Variants in TARS2 observed in about 807,000 individuals in gnomAD.
The protein encoded by TARS2 is threonine--tRNA ligase, mitochondrial.
TARS2 carries 61 observed loss-of-function variants against 94.4 expected under a neutral mutation model. That is an observed-to-expected ratio of 0.65 (90% CI 0.53 to 0.80). The LOEUF is 0.80. TARS2 is among the 30% of genes least tolerant of loss of function. The pLI, the probability that TARS2 is intolerant of heterozygous loss-of-function variation, is 0.00. For synonymous variants in TARS2, 359 were observed against 353.4 expected (o/e 1.02, Z -0.18); for missense variants, 704 against 902.5 (o/e 0.78, Z 2.82).
chr1:150,499,128 T>C, intron 12 of TARS2, 88 bp from the exon 13 acceptor site: 1 of 1,609,940 alleles, frequency 6.2e-7, no homozygotes, highest in Non-Finnish European at 8.5e-7. Context: ...AGGCATCTGG[T>C]GAGTGGGTCA....
At chr1:150,490,862 T>C in intron 4 of TARS2, 137 bp downstream of exon 4, 1 of 1,280,120 alleles carries the variant, frequency 7.8e-7, no homozygotes, top group African/African-American at 1.5e-5. Context: ...GACATTAGTA[T>C]CTCCTTCTGT....
Position 150,504,450 on chromosome 1 carries a change from C to T in TARS2, c.1718+15C>T, listed in dbSNP as rs368349064. 24 of 1,613,002 alleles carry T rather than the reference C, an allele frequency of 1.5e-5. No homozygotes were observed. The African/African-American group carries it at 2.9e-4, about 20-fold the overall frequency. On this transcript the variant is annotated intron_variant, in intron 14 of 17. Coordinates refer to ENST00000369064, the MANE Select transcript of TARS2 (RefSeq NM_025150.5). ...CAGTATAAGGGGTATAAAACCTTGC[C>T]CTATCCTCTTTTCCCTTGACAGTGC...
At position 150,498,640 on chromosome 1, in the gene TARS2, T is replaced by A. The variant is rs773977065; in HGVS notation, c.1377T>A (p.Ala459=). 4 of 1,612,862 alleles carry A rather than the reference T, an allele frequency of 2.5e-6. No homozygotes were observed. The South Asian group carries it at 3.3e-5, about 13-fold the overall frequency. ...TGCGGTGCTTCCAGCAGGATGACGCTCACATCTTCTGTACAACAGATCAGG... is the reference window on the plus strand; with the variant it reads ...TGCGGTGCTTCCAGCAGGATGACGCACACATCTTCTGTACAACAGATCAGG... ...TRLRCFQQDD[A]HIFCTTDQLE... is the part of the protein sequence containing the mutation. The change falls in exon 11 of 18, where the codon GCT becomes GCA. Residue 459 remains alanine (A), a synonymous_variant. Coordinates refer to ENST00000369064, the MANE Select transcript of TARS2 (RefSeq NM_025150.5).
In TARS2 at chr1:150,489,026, G is replaced by A. The variant is rs760526545; in HGVS notation, c.326G>A (p.Arg109Gln). The A allele has an allele frequency of 6.8e-6, 11 of 1,614,048 alleles. No homozygotes were observed. Among genetic ancestry groups the A allele is most frequent in the South Asian group, 1.1e-5 (1 of 91,086 alleles). The change falls in exon 3 of 18, where the codon CGG becomes CAG. Residue 109 changes from arginine to glutamine, a missense_variant. Coordinates refer to ENST00000369064, the MANE Select transcript of TARS2 (RefSeq NM_025150.5). ...QVNGEPYDLE[R>Q]PLETDSDLRF... Reference sequence around the variant, plus strand: ...AATGGAGAACCTTATGATCTGGAGCGGCCCTTGGAGACAGATTCTGACCTC... The same window carrying A: ...AATGGAGAACCTTATGATCTGGAGCAGCCCTTGGAGACAGATTCTGACCTC...
At chr1:150,494,674 G>A (rs1669568664) in intron 7 of TARS2, among the ~76,000 whole-genome samples, 2 of 151,468 alleles carry the variant, frequency 1.3e-5, no homozygotes, top group African/African-American at 4.9e-5. Flanking sequence ...GGAGGCAGAG[G>A]TTGCAGTGAG....
chr1:150,498,896 G>A lies in TARS2; in HGVS notation c.1402-1G>A. 5.6e-6 allele frequency: 9 copies of A among 1,614,170 alleles called. No individual in the cohort carries two copies. The highest frequency in any genetic ancestry group is 7.6e-6 in the Non-Finnish European group (9 of 1,180,042). Reference sequence around the variant, plus strand: ...CACTGACCCTTATTTCCTGCCCCTAGCTGGAAGCAGAGATCCAAAGCTGTC... The same window carrying A: ...CACTGACCCTTATTTCCTGCCCCTAACTGGAAGCAGAGATCCAAAGCTGTC... On this transcript the variant is annotated splice_acceptor_variant, in intron 11 of 17. Transcript: ENST00000369064. LOFTEE classifies it high-confidence loss of function.
intron 13 of TARS2, among the ~76,000 whole-genome samples, chr1:150,504,111 T>G (rs1670088043): frequency 6.6e-6 from 1 of 151,918 alleles, no homozygotes; most frequent in South Asian, 2.1e-4. Flanking sequence ...TCAGGTAATA[T>G]TATAACACCA....
intron 3 of TARS2, among the ~76,000 whole-genome samples, chr1:150,489,874 G>A (rs587772153): frequency 1.7e-4 from 26 of 152,150 alleles, no homozygotes; most frequent in South Asian, 1.0e-3. Context: ...CCCTGGAGGC[G>A]GAGGTTGCAG....
intron 7 of TARS2, among the ~76,000 whole-genome samples, chr1:150,493,718 A>C (rs1003806853): frequency 6.6e-6 from 1 of 151,322 alleles, no homozygotes; most frequent in African/African-American, 2.4e-5. Flanking sequence ...GTGCCATTGC[A>C]CTCTAGCCTG....
chr1:150,496,688 C>T, intron 8 of TARS2, 60 bp downstream of exon 8: 2 of 1,597,948 alleles, frequency 1.3e-6, no homozygotes, highest in Non-Finnish European at 1.7e-6. Flanking sequence ...GATGACAGAA[C>T]CTGATTATGA....
At chr1:150,505,518 A>C in intron 16 of TARS2, 73 bp from the exon 17 acceptor site, 1 of 1,342,532 alleles carries the variant, frequency 7.4e-7, no homozygotes, top group South Asian at 1.2e-5. Context: ...CATTGAGGGA[A>C]AAGAGCATCA....
rs1171489412 is a variant in TARS2 at position 150,493,916 on chromosome 1, G to T, written c.774+1427G>T. On this transcript the variant is annotated intron_variant, in intron 7 of 17. Transcript: ENST00000369064. Reference sequence around the variant, plus strand: ...TCATGCCTATAATCCCAGCACTTTGGGAGGCCAAGGTGGGTGGATCACTTG... The same window carrying T: ...TCATGCCTATAATCCCAGCACTTTGTGAGGCCAAGGTGGGTGGATCACTTG... Among the ~76,000 whole-genome samples the T allele has an allele frequency of 2.0e-5, 3 of 152,186 alleles. No homozygotes were observed. In the East Asian group the frequency reaches 5.8e-4, roughly 29 times the overall value.
intron 4 of TARS2, among the ~76,000 whole-genome samples, chr1:150,490,927 C>T (rs1669354225): frequency 1.3e-5 from 2 of 151,942 alleles, no homozygotes; most frequent in South Asian, 4.2e-4. Context: ...TTGGCTGGTG[C>T]ACATGTAGTC....
Position 150,505,083 on chromosome 1 carries a change from A to C in TARS2, c.1893+105A>C. 3.6e-6 allele frequency: 4 copies of C among 1,097,298 alleles called. No homozygotes were observed. In the East Asian group the frequency reaches 7.7e-5, roughly 21 times the overall value. The allele number at this position is 1,097,298 out of a possible 1,614,324, so 68.0% of individuals were successfully genotyped here. On this transcript the variant is annotated intron_variant, in intron 16 of 17. Coordinates refer to ENST00000369064, the MANE Select transcript of TARS2 (RefSeq NM_025150.5). ...GCAGGGGTGGTAGAGGAAGGAGCACAGCCCTCACAGCCACAAGACTGGGCT... is the reference window on the plus strand; with the variant it reads ...GCAGGGGTGGTAGAGGAAGGAGCACCGCCCTCACAGCCACAAGACTGGGCT...
Position 150,496,492 on chromosome 1 carries a change from C to T in TARS2, c.785C>T (p.Ser262Phe). Residue 262 changes from serine (S) to phenylalanine (F), a missense_variant, in exon 8 of 18, where the codon TCC becomes TTC. Ser to Phe is a radical substitution (Grantham distance 155). Around this residue, in one of 3 missense-constraint regions of TARS2, gnomAD observed 466 missense variants for 609.5 expected, o/e 0.76. Transcript: ENST00000369064. ...TATGTCCTCACACAGAACTCATCAT[C>T]CTTATGGAGGTCTTCAGGGGCCCCA... is the stretch of plus-strand genomic sequence containing the variant. ...GGLKLLSNSSSLWRSSGAPET... is the reference protein window; with the variant it reads ...GGLKLLSNSSFLWRSSGAPET... 6.2e-7 allele frequency: 1 copy of T among 1,613,368 alleles called. No individual in the cohort carries two copies. The highest frequency in any genetic ancestry group is 8.5e-7 in the Non-Finnish European group (1 of 1,179,558).
intron 17 of TARS2, among the ~76,000 whole-genome samples, chr1:150,506,701 C>T (rs938396038): frequency 3.3e-5 from 5 of 151,742 alleles, no homozygotes; most frequent in African/African-American, 7.3e-5. Flanking sequence ...ATAAGGCCTG[C>T]GGGGACTGAA....
At chr1:150,495,783 G>A (rs1270026492) in intron 7 of TARS2, among the ~76,000 whole-genome samples, 3 of 151,804 alleles carry the variant, frequency 2.0e-5, no homozygotes, top group Admixed American at 6.6e-5. Context: ...GCAGTGGTGC[G>A]ATCGCGACTC....
chr1:150,494,919 C>T (rs587733762), intron 7 of TARS2, among the ~76,000 whole-genome samples: 3 of 152,290 alleles, frequency 2.0e-5, no homozygotes, highest in African/African-American at 4.8e-5. Context: ...CAGTGGCTCA[C>T]GCCTGTAATC....
At position 150,496,626 on chromosome 1, in the gene TARS2, A is replaced by C. The variant is rs1279064798; in HGVS notation, c.919A>C (p.Lys307Gln). Residue 307 changes from lysine (K) to glutamine (Q), a missense_variant and splice_region_variant, in exon 8 of 18, where the codon AAG becomes CAG. This residue lies in a region of TARS2 where 466 missense variants were observed against 609.5 expected (regional missense o/e 0.76). Coordinates refer to ENST00000369064, the MANE Select transcript of TARS2 (RefSeq NM_025150.5). ...ATTGCGGGACCACCGGCGCATTGGG[A>C]AGGTACAGGAATTGGGAAGATAGGG... ...AELRDHRRIG[K>Q]EQELFFFHEL... 1.2e-6 allele frequency: 2 copies of C among 1,612,732 alleles called. No homozygotes were observed. Among genetic ancestry groups the C allele is most frequent in the Non-Finnish European group, 1.7e-6 (2 of 1,179,414 alleles).
Sources: allele counts gnomAD v4.1 joint callset (sites outside exome capture counted in the v4.1 genomes callset), GRCh38; gene constraint gnomAD v4.1.1; regional missense constraint gnomAD v4.1.1; transcripts MANE v1.5; gene names NCBI Gene and HGNC (gene_info 2026-07-23, HGNC 2026-07-21).